The following FOXP1 variants were observed in gnomAD, a reference collection of about 807,000 sequenced individuals.
FOXP1 encodes the protein forkhead box protein P1.
Under a neutral mutation model 98.2 loss-of-function variants are expected in FOXP1, and 15 were observed. The ratio of observed to expected loss-of-function variants is 0.15; its 90% CI spans 0.10 to 0.24. The LOEUF (loss-of-function observed/expected upper bound fraction) is 0.24. FOXP1 is among the 10% of genes least tolerant of loss of function. The pLI is 1.00. For synonymous variants in FOXP1, 371 were observed against 314.5 expected, an observed-to-expected ratio of 1.18 and a Z score of -1.90; for missense variants, 633 against 848.5, an observed-to-expected ratio of 0.75 and a Z score of 3.15.
chr3:70,977,612 CAG>C, intron 16 of FOXP1, 29 bp downstream of exon 16: 1 of 1,548,688 alleles, frequency 6.5e-7, no homozygotes, highest in Non-Finnish European at 8.9e-7. Flanking sequence ...TACCTTCTGA[CAG>C]AATTTCATAT....
At chr3:71,441,995 C>T (rs1246979004) in intron 3 of FOXP1, among the ~76,000 whole-genome samples, 5 of 152,224 alleles carry the variant, frequency 3.3e-5, no homozygotes, top group African/African-American at 4.8e-5. Flanking sequence ...TCACCCACTA[C>T]GTTCTTAACG....
chr3:71,481,972 G>A (rs1482252139), intron 3 of FOXP1, among the ~76,000 whole-genome samples: 3 of 151,972 alleles, frequency 2.0e-5, no homozygotes, highest in Non-Finnish European at 2.9e-5. Context: ...ACCTGTTTAC[G>A]ACACAAAAGA....
intron 6 of FOXP1, among the ~76,000 whole-genome samples, chr3:71,125,576 G>A (rs1351352952): frequency 6.6e-6 from 1 of 152,108 alleles, no homozygotes; most frequent in African/African-American, 2.4e-5. Context: ...TCTTTAAGAG[G>A]GAATCTGAAA....
At chr3:71,496,961 A>AGTGT (rs148821144) in intron 2 of FOXP1, among the ~76,000 whole-genome samples, 331 of 149,452 alleles carry the variant, frequency 2.2e-3, no homozygotes, top group East Asian at 4.3e-3. Flanking sequence ...GGTGTGTGGA[A>AGTGT]GTGTGTGTGT....
At chr3:71,437,351 C>G (rs1388312700) in intron 3 of FOXP1, among the ~76,000 whole-genome samples, 1 of 152,104 alleles carries the variant, frequency 6.6e-6, no homozygotes, top group African/African-American at 2.4e-5. Flanking sequence ...AGGCTGCAGT[C>G]AACCACGATC....
chr3:71,088,633 A>C (rs984451686), intron 7 of FOXP1, among the ~76,000 whole-genome samples: 11 of 152,182 alleles, frequency 7.2e-5, no homozygotes, highest in Non-Finnish European at 5.9e-5. Context: ...TATTTATGGG[A>C]AAGGTACTAA....
chr3:71,494,556 C>T (rs1405713341), intron 2 of FOXP1, among the ~76,000 whole-genome samples: 1 of 152,124 alleles, frequency 6.6e-6, no homozygotes, highest in African/African-American at 2.4e-5. Context: ...CCCCTGGGTG[C>T]CCAGGAAAGG....
At chr3:71,167,327 T>C (rs1036932169) in intron 6 of FOXP1, among the ~76,000 whole-genome samples, 1 of 152,152 alleles carries the variant, frequency 6.6e-6, no homozygotes, top group African/African-American at 2.4e-5. Context: ...CCCCCAACCA[T>C]TGCGTTTCCC....
chr3:71,109,572 G>C (rs1237459892), intron 7 of FOXP1, among the ~76,000 whole-genome samples: 2 of 152,162 alleles, frequency 1.3e-5, no homozygotes, highest in Non-Finnish European at 2.9e-5. Flanking sequence ...GCACTGTTAA[G>C]ATTTGCTGTA....
chr3:71,166,358 G>A (rs1222257199), intron 6 of FOXP1, among the ~76,000 whole-genome samples: 2 of 152,092 alleles, frequency 1.3e-5, no homozygotes, highest in Admixed American at 6.6e-5. Context: ...AACCTGTTAC[G>A]GCCCCCATCT....
chr3:71,060,165 T>G (rs915772766), intron 7 of FOXP1, among the ~76,000 whole-genome samples: 2 of 152,130 alleles, frequency 1.3e-5, no homozygotes, highest in South Asian at 2.1e-4. Context: ...GGGACTATAA[T>G]TGAATTTCAA....
intron 11 of FOXP1, 142 bp from the exon 12 acceptor site, chr3:71,015,795 T>C (rs2044379403): frequency 3.2e-6 from 2 of 624,032 alleles, no homozygotes; most frequent in Admixed American, 5.5e-5. Flanking sequence ...CCCATGTAAT[T>C]GACTAATTAA....
At chr3:71,329,215 C>CA (rs2076136090) in intron 4 of FOXP1, among the ~76,000 whole-genome samples, 1 of 150,528 alleles carries the variant, frequency 6.6e-6, no homozygotes, top group Admixed American at 6.6e-5. Context: ...GTCTAGACCT[C>CA]TTTTTTTTTC....
chr3:71,406,792 C>A (rs561920468), intron 3 of FOXP1, among the ~76,000 whole-genome samples: 1 of 152,130 alleles, frequency 6.6e-6, no homozygotes, highest in Admixed American at 6.6e-5. Flanking sequence ...AGATCAGGAT[C>A]GCAGGCAAAA....
Position 70,973,747 on chromosome 3 carries a change from G to A in FOXP1, c.1531-1071C>T, listed in dbSNP as rs183056484. On this transcript the variant is annotated intron_variant, in intron 17 of 20. Coordinates refer to ENST00000649528, the MANE Select transcript of FOXP1 (RefSeq NM_001349338.3). ...ACTCAATAGTAGGTGACTCAATTGG[G>A]GCTTGAGAAGTTGATACATACATCA... Among the ~76,000 whole-genome samples, 10 of 151,698 alleles carry A rather than the reference G, an allele frequency of 6.6e-5. No homozygotes were observed. In the East Asian group the frequency reaches 1.8e-3, roughly 27 times the overall value.
intron 3 of FOXP1, among the ~76,000 whole-genome samples, chr3:71,479,475 T>A (rs2090103845): frequency 1.3e-5 from 2 of 151,850 alleles, no homozygotes; most frequent in Non-Finnish European, 2.9e-5. Context: ...GGTCAGGAGT[T>A]CAAGACCATC....
intron 17 of FOXP1, among the ~76,000 whole-genome samples, chr3:70,973,837 C>T (rs1323567899): frequency 7.1e-5 from 1 of 14,144 alleles, no homozygotes; most frequent in Non-Finnish European, 1.3e-4. Flanking sequence ...TGCACACCGC[C>T]CCCCCCCCCC....
intron 5 of FOXP1, among the ~76,000 whole-genome samples, chr3:71,202,838 T>G (rs1356030041): frequency 6.6e-6 from 1 of 152,248 alleles, no homozygotes; most frequent in African/African-American, 2.4e-5. Context: ...ACTGTCTTTT[T>G]CTTTTGACTT....
At chr3:71,053,529 T>C (rs2050193039) in intron 8 of FOXP1, 107 bp downstream of exon 8, 2 of 1,408,726 alleles carry the variant, frequency 1.4e-6, no homozygotes, top group Admixed American at 1.7e-5. Context: ...TGCTTTACTC[T>C]TCACTGAGCA....
Sources: allele counts gnomAD v4.1 joint callset (sites outside exome capture counted in the v4.1 genomes callset), GRCh38; gene constraint gnomAD v4.1.1; transcripts MANE v1.5; gene names NCBI Gene and HGNC (gene_info 2026-07-23, HGNC 2026-07-21).